The following UTRN variants were observed in gnomAD, a reference collection of about 807,000 sequenced individuals.
The protein encoded by UTRN is utrophin.
In UTRN, 283 loss-of-function variants were observed where a neutral mutation model predicts 463.9. The observed-to-expected ratio is 0.61, with a 90% confidence interval of 0.55 to 0.67. UTRN has a LOEUF of 0.67. Among genes scored for constraint, UTRN ranks in the 30% least tolerant of loss-of-function variants. UTRN has a pLI of 0.00. For missense variants in UTRN, 3,922 were observed against 4,084.3 expected (o/e 0.96, Z 1.08); for synonymous variants, 1,442 against 1,431.5 (o/e 1.01, Z -0.17).
At chr6:144,398,367 C>G (rs1419537465) in intron 2 of UTRN, 1 of 359,188 alleles carries the variant, frequency 2.8e-6, no homozygotes, top group African/African-American at 2.2e-5. Context: ...TTATTCTCAC[C>G]AGGGACTTCC....
chr6:144,297,184 A>G (rs1156879416), intron 2 of UTRN, among the ~76,000 whole-genome samples: 1 of 152,018 alleles, frequency 6.6e-6, no homozygotes, highest in Non-Finnish European at 1.5e-5. Context: ...TGGTACTGAA[A>G]GAGTTGGTTG....
chr6:144,383,577 C>T (rs1347847018), intron 2 of UTRN, among the ~76,000 whole-genome samples: 1 of 152,166 alleles, frequency 6.6e-6, no homozygotes, highest in Non-Finnish European at 1.5e-5. Context: ...AATAGTTCTC[C>T]TGGGTCTTCC....
intron 51 of UTRN, among the ~76,000 whole-genome samples, chr6:144,657,677 A>AG (rs1001758341): frequency 6.6e-6 from 1 of 152,200 alleles, no homozygotes; most frequent in Admixed American, 6.5e-5. Context: ...TTAAACAGAA[A>AG]GGGTCTACTT....
intron 25 of UTRN, among the ~76,000 whole-genome samples, chr6:144,476,542 C>T (rs187427689): frequency 2.3e-4 from 35 of 152,200 alleles, no homozygotes; most frequent in Admixed American, 1.4e-3. Flanking sequence ...ACTGCAATAA[C>T]GAAGGAGAAG....
chr6:144,503,454 A>T lies in UTRN; in HGVS notation c.4764+4027A>T, dbSNP rs146784240. Among the ~76,000 whole-genome samples the T allele has an allele frequency of 6.5e-3, 988 of 152,250 alleles. 3 individuals carry two copies. The highest frequency in any genetic ancestry group is 0.024 in the Middle Eastern group (7 of 294). ...AGGTGTAAGGAAGGGGTCCACTTTC[A>T]GTTTTCTGCATATGGCTAGCCTGTT... On this transcript the variant is annotated intron_variant, in intron 34 of 74. Coordinates refer to ENST00000367545, the MANE Select transcript of UTRN (RefSeq NM_007124.3).
chr6:144,399,581 C>T (rs1782755722), intron 2 of UTRN, among the ~76,000 whole-genome samples: 1 of 152,124 alleles, frequency 6.6e-6, no homozygotes, highest in African/African-American at 2.4e-5. Context: ...TTAGGGAACT[C>T]ATGTTATGTT....
At chr6:144,478,430 C>T (rs1170937752) in intron 25 of UTRN, among the ~76,000 whole-genome samples, 3 of 152,256 alleles carry the variant, frequency 2.0e-5, no homozygotes, top group Admixed American at 2.0e-4. Flanking sequence ...CTCTCTTTCT[C>T]TTTCTGTGTG....
At chr6:144,822,609 T>G (rs1332559759) in intron 66 of UTRN, among the ~76,000 whole-genome samples, 1 of 152,160 alleles carries the variant, frequency 6.6e-6, no homozygotes, top group Non-Finnish European at 1.5e-5. Flanking sequence ...AAGAGAGCTG[T>G]TCGAATACAT....
chr6:144,684,256 G>A (rs1585992909), intron 52 of UTRN, among the ~76,000 whole-genome samples: 1 of 151,820 alleles, frequency 6.6e-6, no homozygotes, highest in South Asian at 2.1e-4. Flanking sequence ...CATCATGTTG[G>A]CCAGGCTGGT....
At chr6:144,489,844 AC>A (rs1328291265) in intron 30 of UTRN, among the ~76,000 whole-genome samples, 1 of 148,096 alleles carries the variant, frequency 6.8e-6, no homozygotes, top group Non-Finnish European at 1.5e-5. Flanking sequence ...CTGGTCTTGA[AC>A]TCCTGATGTC....
At chr6:144,521,755 T>C (rs1796112666) in intron 39 of UTRN, among the ~76,000 whole-genome samples, 1 of 152,084 alleles carries the variant, frequency 6.6e-6, no homozygotes, top group Non-Finnish European at 1.5e-5. Context: ...ATTAATAACA[T>C]ACTTATACTG....
intron 51 of UTRN, among the ~76,000 whole-genome samples, chr6:144,608,728 G>A (rs533217424): frequency 7.6e-4 from 116 of 152,210 alleles, no homozygotes; most frequent in African/African-American, 2.7e-3. Context: ...GTTCTTGTGT[G>A]GCTATTTTAG....
Position 144,819,907 on chromosome 6 carries a change from TCCTC to T in UTRN, c.9358-973_9358-970del, listed in dbSNP as rs1480212553. ...CTCCTCCTCCTCCTCCTCCTCCTCC[TCCTC>T]CTCTCTCTCTCTCTCTCTCTCTTTC... is the stretch of plus-strand genomic sequence containing the variant. On this transcript the variant is annotated intron_variant, in intron 65 of 74. Transcript: ENST00000367545. Among the ~76,000 whole-genome samples, 19 of 114,228 alleles carry T rather than the reference TCCTC, an allele frequency of 1.7e-4. No homozygotes were observed. The East Asian group carries it at 2.8e-3, about 17-fold the overall frequency. 74.9% of individuals were successfully genotyped at this position (114,228 alleles called of 152,430 possible).
chr6:144,596,293 G>C (rs1803634379), intron 51 of UTRN, among the ~76,000 whole-genome samples: 1 of 152,152 alleles, frequency 6.6e-6, no homozygotes, highest in African/African-American at 2.4e-5. Flanking sequence ...CTGTCGTCCA[G>C]GTGTCTTATG....
At chr6:144,691,676 C>A (rs1783430696) in intron 52 of UTRN, among the ~76,000 whole-genome samples, 1 of 152,078 alleles carries the variant, frequency 6.6e-6, no homozygotes, top group African/African-American at 2.4e-5. Flanking sequence ...TCTGACATTC[C>A]AATGTCCATA....
chr6:144,725,720 T>C (rs1419839690), intron 53 of UTRN, among the ~76,000 whole-genome samples: 5 of 152,204 alleles, frequency 3.3e-5, no homozygotes, highest in African/African-American at 1.2e-4. Context: ...AAGTGTGAAA[T>C]GATTATATGT....
rs186817862 is a variant in UTRN, at chr6:144,572,763, T to C, written c.7290-4336T>C. Among the ~76,000 whole-genome samples the C allele has an allele frequency of 5.8e-4, 89 of 152,352 alleles. 1 individual carries two copies. Among genetic ancestry groups the C allele is most frequent in the Non-Finnish European group, 1.1e-3 (77 of 68,040 alleles). Reference sequence around the variant, plus strand: ...TATGGCTGCATAGTATTCCATGTTGTATATGTGCCACATTTTCTTTATCCA... The same window carrying C: ...TATGGCTGCATAGTATTCCATGTTGCATATGTGCCACATTTTCTTTATCCA... On this transcript the variant is annotated intron_variant, in intron 50 of 74. Coordinates refer to ENST00000367545, the MANE Select transcript of UTRN (RefSeq NM_007124.3).
rs1020558577 is a variant in UTRN at position 144,806,798 on chromosome 6, C to G, written c.9357+3651C>G. On this transcript the variant is annotated intron_variant, in intron 65 of 74. Coordinates refer to ENST00000367545, the MANE Select transcript of UTRN (RefSeq NM_007124.3). Reference sequence around the variant, plus strand: ...CCAGGTATCAAGTCTGGACATATTTCTCTCTCATTCGAAATACAAATTTTA... The same window carrying G: ...CCAGGTATCAAGTCTGGACATATTTGTCTCTCATTCGAAATACAAATTTTA... 3.8e-5 allele frequency among the ~76,000 whole-genome samples: 4 copies of G among 106,038 alleles called. 1 individual carries two copies. The highest frequency in any genetic ancestry group is 8.9e-5 in the Admixed American group (1 of 11,272). 69.6% of individuals were successfully genotyped at this position (106,038 alleles called of 152,430 possible). A position where few individuals can be genotyped will look rare whatever the true frequency, so the allele number is the denominator to read the frequency against.
At chr6:144,515,203 C>A (rs1179091001) in intron 37 of UTRN, among the ~76,000 whole-genome samples, 1 of 152,170 alleles carries the variant, frequency 6.6e-6, no homozygotes, top group Non-Finnish European at 1.5e-5. Context: ...CTGCACCCGG[C>A]CAACAATTTT....
Sources: gnomAD v4.1 joint callset for allele counts (sites outside exome capture counted in the v4.1 genomes callset) on GRCh38, gnomAD v4.1.1 for gene constraint, MANE v1.5 for transcripts, NCBI Gene and HGNC (gene_info 2026-07-23, HGNC 2026-07-21) for gene names.